Variants in ATP6V0D2 observed in about 807,000 individuals in gnomAD.
The protein encoded by ATP6V0D2 is V-type proton ATPase subunit d 2.
A neutral mutation model predicts 40.0 loss-of-function variants in ATP6V0D2; 40 were observed. That is an observed-to-expected ratio of 1.00 (90% CI 0.78 to 1.30). The LOEUF is 1.30. ATP6V0D2 is among the 50% of genes most tolerant of loss of function. The pLI is 0.00. For missense variants in ATP6V0D2, 470 were observed against 423.1 expected (o/e 1.11, Z -0.97); for synonymous variants, 179 against 156.3 (o/e 1.15, Z -1.08).
At chr8:86,133,248 G>A (rs1051388171) in intron 2 of ATP6V0D2, among the ~76,000 whole-genome samples, 80 of 145,970 alleles carry the variant, frequency 5.5e-4, no homozygotes, top group African/African-American at 1.9e-3. Flanking sequence ...ATACAAAAAT[G>A]CCCCCAAGGA....
chr8:86,110,678 A>G (rs1382205865), intron 1 of ATP6V0D2, among the ~76,000 whole-genome samples: 2 of 152,228 alleles, frequency 1.3e-5, no homozygotes, highest in Non-Finnish European at 2.9e-5. Context: ...ACAGGCTAAA[A>G]TGTCTACGTG....
chr8:86,100,303 ATACT>A (rs1818379027), intron 1 of ATP6V0D2, among the ~76,000 whole-genome samples: 1 of 152,000 alleles, frequency 6.6e-6, no homozygotes, highest in African/African-American at 2.4e-5. Context: ...ATTTTGAAAC[ATACT>A]TACAAAACCC....
chr8:86,151,393 G>A (rs751273324), intron 6 of ATP6V0D2, 73 bp from the exon 7 acceptor site: 4 of 1,050,372 alleles, frequency 3.8e-6, no homozygotes, highest in Non-Finnish European at 4.0e-6. Flanking sequence ...TTTCTATAAT[G>A]CTAGGAAAAA....
chr8:86,150,205 G>C lies in ATP6V0D2; in HGVS notation c.733G>C (p.Gly245Arg). 6.2e-7 allele frequency: 1 copy of C among 1,612,846 alleles called. No individual in the cohort carries two copies. The highest frequency in any genetic ancestry group is 8.5e-7 in the Non-Finnish European group (1 of 1,179,802). The change falls in exon 6 of 8, where the codon GGC becomes CGC. Residue 245 changes from glycine (G) to arginine (R), a missense_variant. Transcript: ENST00000285393. Reference protein sequence around the residue: ...EDRETLYPTFGKLYPEGLRLL... With the variant: ...EDRETLYPTFRKLYPEGLRLL... ...CCGAGAGACCCTCTATCCAACCTTC[G>C]GCAAACTCTATCCTGAGGGGTTGCG...
chr8:86,130,989 T>C (rs1818815947), intron 2 of ATP6V0D2, among the ~76,000 whole-genome samples: 1 of 152,144 alleles, frequency 6.6e-6, no homozygotes, highest in Non-Finnish European at 1.5e-5. Flanking sequence ...GAGACCCTTT[T>C]GGATTTTATC....
At chr8:86,108,304 C>T (rs1259869943) in intron 1 of ATP6V0D2, among the ~76,000 whole-genome samples, 1 of 152,070 alleles carries the variant, frequency 6.6e-6, no homozygotes, top group East Asian at 1.9e-4. Context: ...CCACACCCAG[C>T]TAACTTTTTT....
At chr8:86,107,295 C>A (rs1049733267) in intron 1 of ATP6V0D2, among the ~76,000 whole-genome samples, 1 of 151,924 alleles carries the variant, frequency 6.6e-6, no homozygotes, top group East Asian at 1.9e-4. Context: ...AAAATAAAAG[C>A]CTGTGGATGG....
intron 1 of ATP6V0D2, 102 bp downstream of exon 1, chr8:86,099,210 G>C: frequency 1.5e-6 from 2 of 1,303,962 alleles, no homozygotes; most frequent in Middle Eastern, 1.9e-4. Context: ...CATATGGTTT[G>C]AGAGTTCTGA....
chr8:86,141,095 G>C (rs998509882), intron 3 of ATP6V0D2, among the ~76,000 whole-genome samples: 1 of 152,222 alleles, frequency 6.6e-6, no homozygotes, highest in African/African-American at 2.4e-5. Context: ...AGGAGGGGGA[G>C]CTCAGGTGGT....
intron 5 of ATP6V0D2, among the ~76,000 whole-genome samples, chr8:86,149,343 C>A (rs1430532617): frequency 6.6e-6 from 1 of 152,064 alleles, no homozygotes; most frequent in Non-Finnish European, 1.5e-5. Context: ...TCAAGAAAGA[C>A]TTCAGTGGTC....
At chr8:86,118,569 C>T (rs1257961701) in intron 2 of ATP6V0D2, among the ~76,000 whole-genome samples, 1 of 152,072 alleles carries the variant, frequency 6.6e-6, no homozygotes, top group Non-Finnish European at 1.5e-5. Context: ...AGGCTTTGGG[C>T]TGAGTCAGAT....
intron 2 of ATP6V0D2, 91 bp downstream of exon 2, chr8:86,113,971 A>G: frequency 8.4e-7 from 1 of 1,197,250 alleles, no homozygotes; most frequent in Non-Finnish European, 1.1e-6. Context: ...CCAGAGTGAG[A>G]CTTAAGACCT....
At chr8:86,132,913 A>G (rs992063322) in intron 2 of ATP6V0D2, among the ~76,000 whole-genome samples, 1 of 152,110 alleles carries the variant, frequency 6.6e-6, no homozygotes, top group Admixed American at 6.5e-5. Context: ...ACTGTTTTCC[A>G]CAGTACTTGT....
At chr8:86,145,377 A>G (rs1361565046) in intron 5 of ATP6V0D2, among the ~76,000 whole-genome samples, 4 of 140,536 alleles carry the variant, frequency 2.8e-5, no homozygotes, top group African/African-American at 1.1e-4. Context: ...AAGGAAGGAA[A>G]GAAAAGAAAA....
At chr8:86,118,792 G>A (rs767959278) in intron 2 of ATP6V0D2, among the ~76,000 whole-genome samples, 4 of 151,788 alleles carry the variant, frequency 2.6e-5, no homozygotes, top group Non-Finnish European at 5.9e-5. Context: ...GACTTTATTA[G>A]GTTGGAAAGC....
intron 1 of ATP6V0D2, among the ~76,000 whole-genome samples, chr8:86,113,483 A>G (rs1818551872): frequency 6.6e-6 from 1 of 152,166 alleles, no homozygotes; most frequent in African/African-American, 2.4e-5. Context: ...CTCCCTCTCA[A>G]AACAAAAGAA....
intron 5 of ATP6V0D2, among the ~76,000 whole-genome samples, chr8:86,149,077 C>CAAAAAAAAAAAAAAAAAAA (rs1819109621): frequency 5.6e-5 from 2 of 35,772 alleles, no homozygotes; most frequent in Non-Finnish European, 5.9e-5. Flanking sequence ...AAAAAAAAAC[C>CAAAAAAAAAAAAAAAAAAA]AATGAACAAG....
In ATP6V0D2 at chr8:86,150,276, G is replaced by C. The variant is rs749834977; in HGVS notation, c.804G>C (p.Ala268=). The C allele has an allele frequency of 8.1e-6, 13 of 1,613,100 alleles. No homozygotes were observed. The highest frequency in any genetic ancestry group is 1.1e-5 in the Non-Finnish European group (13 of 1,179,756). The change falls in exon 6 of 8, where the codon GCG becomes GCC. Residue 268 remains alanine (A), a synonymous_variant. Transcript: ENST00000285393. The part of the protein sequence containing the change: ...AEDFDQMKNV[A]DHYGVYKPLF... ...ACTTTGACCAGATGAAGAACGTAGC[G>C]GATCATTACGGAGTATGTGATGACA...
Position 86,110,807 on chromosome 8 carries a change from T to C in ATP6V0D2, c.131-2902T>C, listed in dbSNP as rs72686752. Among the ~76,000 whole-genome samples, 538 of 152,232 alleles carry C rather than the reference T, an allele frequency of 3.5e-3. 6 individuals carry two copies. Among genetic ancestry groups the C allele is most frequent in the South Asian group, 0.025 (122 of 4,812 alleles). On this transcript the variant is annotated intron_variant, in intron 1 of 7. Coordinates refer to ENST00000285393, the MANE Select transcript of ATP6V0D2 (RefSeq NM_152565.1). ...ATGTATTAATCAGTACATTAAAAAT[T>C]TGAGGGACTCACGGTAAGATTCTTT...
Sources: allele counts gnomAD v4.1 joint callset (sites outside exome capture counted in the v4.1 genomes callset), GRCh38; gene constraint gnomAD v4.1.1; transcripts MANE v1.5; gene names NCBI Gene and HGNC (gene_info 2026-07-23, HGNC 2026-07-21).